The following ERBB4 variants were observed in gnomAD, a reference collection of about 807,000 sequenced individuals.
ERBB4 encodes the protein erb-b2 receptor tyrosine kinase 4.
ERBB4 carries 42 observed loss-of-function variants against 158.0 expected under a neutral mutation model. The ratio of observed to expected loss-of-function variants is 0.27; its 90% CI spans 0.21 to 0.34. The LOEUF is 0.34. Among genes scored for constraint, ERBB4 ranks in the 10% least tolerant of loss-of-function variants. The probability of loss-of-function intolerance (pLI) is 1.00; values close to 1 mark genes in which losing one functional copy is unlikely to be tolerated. For missense variants in ERBB4, 1,333 were observed against 1,624.1 expected (o/e 0.82, Z 3.08); for synonymous variants, 583 against 558.7 (o/e 1.04, Z -0.61).
chr2:211,544,728 T>C (rs918271547), intron 20 of ERBB4, among the ~76,000 whole-genome samples: 6 of 152,032 alleles, frequency 3.9e-5, no homozygotes, highest in African/African-American at 1.4e-4. Flanking sequence ...CTCATAACTT[T>C]GTTGTAAGAA....
intron 1 of ERBB4, among the ~76,000 whole-genome samples, chr2:212,193,650 CAT>C (rs1291487544): frequency 6.6e-6 from 1 of 151,758 alleles, no homozygotes; most frequent in Non-Finnish European, 1.5e-5. Flanking sequence ...TCATATTACT[CAT>C]ATATGAATCT....
intron 1 of ERBB4, among the ~76,000 whole-genome samples, chr2:212,332,794 A>T (rs185944755): frequency 7.2e-4 from 109 of 152,156 alleles, no homozygotes; most frequent in Non-Finnish European, 1.5e-3. Flanking sequence ...TAATAAAAAG[A>T]ATGGCTATTT....
chr2:212,013,672 A>G (rs1490372402), intron 2 of ERBB4, among the ~76,000 whole-genome samples: 1 of 152,206 alleles, frequency 6.6e-6, no homozygotes, highest in Admixed American at 6.5e-5. Context: ...TTCATCTATA[A>G]ACTAAGGAAT....
intron 20 of ERBB4, among the ~76,000 whole-genome samples, chr2:211,557,460 AACAG>A (rs1318682055): frequency 7.2e-5 from 11 of 152,214 alleles, no homozygotes; most frequent in African/African-American, 2.2e-4. Context: ...AAAGGACATG[AACAG>A]ACACTTTTCA....
At chr2:212,523,729 C>T (rs947754282) in intron 1 of ERBB4, among the ~76,000 whole-genome samples, 1 of 151,886 alleles carries the variant, frequency 6.6e-6, no homozygotes. Flanking sequence ...AGTGTGCTTA[C>T]GACAAGTTCT....
chr2:211,660,128 C>T (rs1456990871), intron 15 of ERBB4, among the ~76,000 whole-genome samples: 1 of 152,148 alleles, frequency 6.6e-6, no homozygotes, highest in African/African-American at 2.4e-5. Context: ...GAAGTTAGAA[C>T]ATTAGGTGGG....
At chr2:211,881,152 T>TA (rs113385310) in intron 3 of ERBB4, among the ~76,000 whole-genome samples, 4,591 of 152,220 alleles carry the variant, frequency 0.03, 170 homozygotes, top group African/African-American at 0.091. Flanking sequence ...GCATTACCGT[T>TA]ACAATCCTAA....
intron 20 of ERBB4, among the ~76,000 whole-genome samples, chr2:211,469,037 G>A (rs929612234): frequency 6.6e-5 from 10 of 151,986 alleles, no homozygotes; most frequent in Admixed American, 2.0e-4. Context: ...CTGAGGCTGC[G>A]TGCAGAAGTC....
At chr2:212,170,530 A>G (rs745802003) in intron 1 of ERBB4, among the ~76,000 whole-genome samples, 1 of 152,206 alleles carries the variant, frequency 6.6e-6, no homozygotes, top group Non-Finnish European at 1.5e-5. Context: ...AGGGCATTTC[A>G]GAGATGTTGG....
At chr2:212,360,302 A>G (rs1417710419) in intron 1 of ERBB4, among the ~76,000 whole-genome samples, 1 of 151,682 alleles carries the variant, frequency 6.6e-6, no homozygotes, top group Non-Finnish European at 1.5e-5. Flanking sequence ...CACTGTGTGC[A>G]AGCCAAAGAA....
At chr2:211,643,533 A>C (rs1007351948) in intron 16 of ERBB4, among the ~76,000 whole-genome samples, 1 of 152,108 alleles carries the variant, frequency 6.6e-6, no homozygotes, top group Non-Finnish European at 1.5e-5. Flanking sequence ...ACTATGTCCA[A>C]ATTTTTCACT....
In ERBB4 at chr2:212,332,402, A is replaced by AG; in HGVS notation, c.82+206046dup. ...GTCCAGTCTTGGGTATGTCTTTAGC[A>AG]GCAGCATGAAAACAGACCAATACAG... On this transcript the variant is annotated intron_variant, in intron 1 of 27. Transcript: ENST00000342788. Among the ~76,000 whole-genome samples the AG allele has an allele frequency of 2.6e-5, 4 of 152,196 alleles. No homozygotes were observed. In the South Asian group the frequency reaches 8.3e-4, roughly 32 times the overall value.
intron 20 of ERBB4, among the ~76,000 whole-genome samples, chr2:211,494,034 A>G (rs1293926284): frequency 2.0e-5 from 3 of 152,066 alleles, no homozygotes; most frequent in Non-Finnish European, 4.4e-5. Context: ...TTTCCCCAAC[A>G]TAGCGTTGCC....
At chr2:212,381,783 C>G (rs1177616045) in intron 1 of ERBB4, among the ~76,000 whole-genome samples, 2 of 151,258 alleles carry the variant, frequency 1.3e-5, no homozygotes, top group African/African-American at 4.8e-5. Flanking sequence ...TCACAGATAA[C>G]CAAGTCTTGA....
At position 211,507,918 on chromosome 2, in the gene ERBB4, A is replaced by C. The variant is rs188744682; in HGVS notation, c.2487+53985T>G. 1.3e-3 allele frequency among the ~76,000 whole-genome samples: 191 copies of C among 152,310 alleles called. 1 individual carries two copies. Among genetic ancestry groups the C allele is most frequent in the Non-Finnish European group, 1.9e-3 (130 of 68,036 alleles). ...CTATTTAATAAAAGGTTCTGGGAAA[A>C]CTGGCTAGCCATATGCAGAAAACTG... is the stretch of plus-strand genomic sequence containing the variant. On this transcript the variant is annotated intron_variant, in intron 20 of 27. Coordinates refer to ENST00000342788, the MANE Select transcript of ERBB4 (RefSeq NM_005235.3).
chr2:212,057,483 C>T (rs1195138147), intron 2 of ERBB4, among the ~76,000 whole-genome samples: 2 of 152,166 alleles, frequency 1.3e-5, no homozygotes, highest in Non-Finnish European at 1.5e-5. Flanking sequence ...ATACATACTT[C>T]TCAGCACCAC....
At chr2:211,465,071 TTC>T (rs1214272246) in intron 20 of ERBB4, among the ~76,000 whole-genome samples, 1 of 151,844 alleles carries the variant, frequency 6.6e-6, no homozygotes, top group Non-Finnish European at 1.5e-5. Context: ...AACCTTGAAC[TTC>T]TGTACTTTAG....
At chr2:212,502,834 C>A (rs951506859) in intron 1 of ERBB4, among the ~76,000 whole-genome samples, 1 of 152,040 alleles carries the variant, frequency 6.6e-6, no homozygotes, top group Non-Finnish European at 1.5e-5. Context: ...ATAGTGGTAC[C>A]ATCAGGACTC....
chr2:212,382,122 CATAT>C (rs2090522509), intron 1 of ERBB4, among the ~76,000 whole-genome samples: 1 of 150,592 alleles, frequency 6.6e-6, no homozygotes, highest in African/African-American at 2.4e-5. Flanking sequence ...CACACACATA[CATAT>C]ACACACATAA....
Sources: allele counts gnomAD v4.1 joint callset (sites outside exome capture counted in the v4.1 genomes callset), GRCh38; gene constraint gnomAD v4.1.1; transcripts MANE v1.5; gene names NCBI Gene and HGNC (gene_info 2026-07-23, HGNC 2026-07-21).